The following RRM2 variants were observed in gnomAD, a reference collection of about 807,000 sequenced individuals.
RRM2 encodes ribonucleoside-diphosphate reductase subunit M2.
Under a neutral mutation model 45.9 loss-of-function variants are expected in RRM2, and 6 were observed. That is an observed-to-expected ratio of 0.13 (90% CI 0.07 to 0.26). The LOEUF (loss-of-function observed/expected upper bound fraction) is 0.26. Among genes scored for constraint, RRM2 ranks in the 10% least tolerant of loss-of-function variants. The pLI is 1.00. For missense variants in RRM2, 343 were observed against 489.5 expected (o/e 0.70, Z 2.82); for synonymous variants, 177 against 173.0 (o/e 1.02, Z -0.18).
Position 10,122,739 on chromosome 2 carries a change from G to GTGCACCC in RRM2, c.-57_-51dup. 1 of 1,553,530 alleles carries GTGCACCC rather than the reference G, an allele frequency of 6.4e-7. No individual in the cohort carries two copies. The highest frequency in any genetic ancestry group is 8.7e-7 in the Non-Finnish European group (1 of 1,148,404). On this transcript the variant is annotated 5_prime_UTR_variant, in exon 1 of 10. Coordinates refer to ENST00000304567, the MANE Select transcript of RRM2 (RefSeq NM_001034.4). ...AGGCTGCTGGAGTGAGGGGTCGCCC[G>GTGCACCC]TGCACCCTGTCCCAGCCGTCCTGTC...
chr2:10,148,261 A>C (rs1293697922), intron 3 of RRM2, among the ~76,000 whole-genome samples: 1 of 138,198 alleles, frequency 7.2e-6, no homozygotes, highest in African/African-American at 2.8e-5. Context: ...GTTTATATTT[A>C]TATATGTCCT....
intron 3 of RRM2, among the ~76,000 whole-genome samples, chr2:10,157,997 GA>G (rs1449656366): frequency 6.6e-6 from 1 of 152,174 alleles, no homozygotes; most frequent in African/African-American, 2.4e-5. Context: ...TGAATGAGAG[GA>G]GGGGTAAGTG....
chr2:10,151,390 T>G (rs1663309879), intron 3 of RRM2, among the ~76,000 whole-genome samples: 1 of 151,290 alleles, frequency 6.6e-6, no homozygotes, highest in Non-Finnish European at 1.5e-5. Flanking sequence ...CTCTGCCTCC[T>G]TGGTTCAAGC....
intron 3 of RRM2, among the ~76,000 whole-genome samples, chr2:10,163,708 C>T (rs769721566): frequency 1.2e-4 from 19 of 152,210 alleles, no homozygotes; most frequent in African/African-American, 4.1e-4. Context: ...GCCCAGTGGC[C>T]GCGCTCTGTC....
intron 3 of RRM2, among the ~76,000 whole-genome samples, chr2:10,196,634 G>C (rs1333195472): frequency 1.3e-5 from 2 of 150,988 alleles, no homozygotes; most frequent in African/African-American, 2.4e-5. Flanking sequence ...CCGGGCTCCG[G>C]GGATGGACAG....
intron 5 of RRM2, among the ~76,000 whole-genome samples, chr2:10,125,205 G>A (rs1662753645): frequency 6.6e-6 from 1 of 152,240 alleles, no homozygotes; most frequent in Non-Finnish European, 1.5e-5. Context: ...GATGGACGGG[G>A]AGGACTTGCC....
Position 10,205,333 on chromosome 2 carries a change from G to A in RRM2, n.483-4978G>A, listed in dbSNP as rs1664643998. 6.6e-6 allele frequency among the ~76,000 whole-genome samples: 1 copy of A among 152,186 alleles called. No homozygotes were observed. The highest frequency in any genetic ancestry group is 6.5e-5 in the Admixed American group (1 of 15,280). On this transcript the variant is annotated intron_variant and non_coding_transcript_variant, in intron 3 of 3. Transcript: ENST00000381786. This position sits in a 1 kb window ranked among gnomAD's most constrained non-coding sequence, Gnocchi z 4.8. ...CAGTGCCCTCGGTATGTCCCACTCA[G>A]CATCCTCCCCAGGTCAGAACACATT...
intron 3 of RRM2, among the ~76,000 whole-genome samples, chr2:10,200,385 AC>A (rs1348727987): frequency 4.6e-5 from 7 of 152,022 alleles, no homozygotes; most frequent in Non-Finnish European, 8.8e-5. Flanking sequence ...CAGGTCAGAA[AC>A]CTGCACAGGG....
rs1384789112 is a variant in RRM2 at position 10,130,407 on chromosome 2, G to T, written c.*1021G>T. Reference sequence around the variant, plus strand: ...TAGTTTTGTTTGGTGTAAGTAGGTTGTGTGAGTTAATTCATTTATATTTAC... The same window carrying T: ...TAGTTTTGTTTGGTGTAAGTAGGTTTTGTGAGTTAATTCATTTATATTTAC... On this transcript the variant is annotated 3_prime_UTR_variant, in exon 10 of 10. Transcript: ENST00000304567. 1 of 152,138 alleles carries T rather than the reference G, an allele frequency of 6.6e-6. No individual in the cohort carries two copies. The highest frequency in any genetic ancestry group is 1.5e-5 in the Non-Finnish European group (1 of 68,036). The allele number at this position is 152,138 out of a possible 1,614,324, so 9.4% of individuals were successfully genotyped here. A position where few individuals can be genotyped will look rare whatever the true frequency, so the allele number is the denominator to read the frequency against.
At chr2:10,202,942 GAAC>G (rs1009927149) in intron 3 of RRM2, among the ~76,000 whole-genome samples, 14 of 152,286 alleles carry the variant, frequency 9.2e-5, no homozygotes, top group African/African-American at 2.9e-4. Flanking sequence ...CGATCATCCA[GAAC>G]AACACAGATT....
rs1335306615 is a variant in RRM2, at chr2:10,127,361, CAAAAG to C, written c.798+144_798+148del. On this transcript the variant is annotated intron_variant, in intron 7 of 9. Coordinates refer to ENST00000304567, the MANE Select transcript of RRM2 (RefSeq NM_001034.4). This position sits in a 1 kb window ranked among gnomAD's most constrained non-coding sequence, Gnocchi z 4.1. ...TGAGTTCAACCATACACATACTTGA[CAAAAG>C]AAGGAAATACTTTCATTTACTGAAA... 1 of 777,300 alleles carries C rather than the reference CAAAAG, an allele frequency of 1.3e-6. No homozygotes were observed. Among genetic ancestry groups the C allele is most frequent in the Non-Finnish European group, 2.0e-6 (1 of 497,856 alleles). 48.2% of individuals were successfully genotyped at this position (777,300 alleles called of 1,614,324 possible).
chr2:10,191,087 C>T (rs1664294296), intron 3 of RRM2, among the ~76,000 whole-genome samples: 1 of 152,196 alleles, frequency 6.6e-6, no homozygotes. Context: ...GTTTGCCCCA[C>T]AGGACGCTGG....
At position 10,123,475 on chromosome 2, in the gene RRM2, A is replaced by G. The variant is rs1662714718; in HGVS notation, c.263A>G (p.His88Arg). The change falls in exon 3 of 10, where the codon CAT becomes CGT. Residue 88 changes from histidine (H) to arginine (R), a missense_variant. This residue lies in a region of RRM2 where 131 missense variants were observed against 121.4 expected (regional missense o/e 1.08). Transcript: ENST00000304567. Reference protein sequence around the residue: ...RRFVIFPIEYHDIWQMYKKAE... With the variant: ...RRFVIFPIEYRDIWQMYKKAE... ...TTTGTCATCTTCCCCATCGAGTACC[A>G]TGATATCTGGCAGATGTATAAGAAG... The G allele has an allele frequency of 6.2e-7, 1 of 1,614,176 alleles. No individual in the cohort carries two copies. The highest frequency in any genetic ancestry group is 8.5e-7 in the Non-Finnish European group (1 of 1,180,026).
At position 10,171,622 on chromosome 2, in the gene RRM2, C is replaced by A. The variant is rs1286409187; in HGVS notation, n.482+29247C>A. On this transcript the variant is annotated intron_variant and non_coding_transcript_variant, in intron 3 of 3. Coordinates refer to the RRM2 transcript ENST00000381786. This position sits in a 1 kb window ranked among gnomAD's most constrained non-coding sequence, Gnocchi z 4.1. Reference sequence around the variant, plus strand: ...ACAAAGGAACAGGGTGATCTGGGAGCAGCAGCAGCCGCTGTCCTGAGCATC... The same window carrying A: ...ACAAAGGAACAGGGTGATCTGGGAGAAGCAGCAGCCGCTGTCCTGAGCATC... Among the ~76,000 whole-genome samples the A allele has an allele frequency of 6.6e-6, 1 of 152,160 alleles. No homozygotes were observed. The highest frequency in any genetic ancestry group is 1.5e-5 in the Non-Finnish European group (1 of 68,028).
At chr2:10,135,628 CAGT>C (rs1662975840), downstream of RRM2, among the ~76,000 whole-genome samples, 1 of 152,066 alleles carries the variant, frequency 6.6e-6, no homozygotes, top group South Asian at 2.1e-4. Context: ...AATAAAAGCA[CAGT>C]AGATGTAAAT....
chr2:10,162,898 G>A (rs563393372), intron 3 of RRM2, among the ~76,000 whole-genome samples: 5 of 152,268 alleles, frequency 3.3e-5, no homozygotes, highest in Non-Finnish European at 7.4e-5. Flanking sequence ...GGGGACCCCC[G>A]GGGCATGGCC....
intron 3 of RRM2, among the ~76,000 whole-genome samples, chr2:10,170,355 C>T (rs750724935): frequency 3.9e-5 from 6 of 151,966 alleles, no homozygotes; most frequent in Admixed American, 1.3e-4. Context: ...CCTCAAGAAG[C>T]GGTCACTTGG....
rs1400378111 is a variant in RRM2, at chr2:10,172,345, T to A, written n.482+29970T>A. On this transcript the variant is annotated intron_variant and non_coding_transcript_variant, in intron 3 of 3. Coordinates refer to the RRM2 transcript ENST00000381786. The surrounding 1 kb of genome is among the most constrained non-coding windows in gnomAD (Gnocchi z 4.9). The stretch of plus-strand genomic sequence containing the variant: ...TTCCCTCCCACTTCTGCTGCCTCCA[T>A]CTGACCCTGCTCCGGAGGGACCAGG... Among the ~76,000 whole-genome samples the A allele has an allele frequency of 6.6e-6, 1 of 152,076 alleles. No homozygotes were observed. Among genetic ancestry groups the A allele is most frequent in the Non-Finnish European group, 1.5e-5 (1 of 67,990 alleles).
intron 3 of RRM2, among the ~76,000 whole-genome samples, chr2:10,154,108 T>C (rs1663372777): frequency 6.6e-6 from 1 of 152,348 alleles, no homozygotes; most frequent in Non-Finnish European, 1.5e-5. Flanking sequence ...TAGTTAGCTG[T>C]AGTCAACACC....
Sources: gnomAD v4.1 joint callset for allele counts (sites outside exome capture counted in the v4.1 genomes callset) on GRCh38, gnomAD v4.1.1 for gene constraint, gnomAD v4.1.1 regional missense constraint, Gnocchi (gnomAD v3.1) non-coding constraint, MANE v1.5 for transcripts, NCBI Gene and HGNC (gene_info 2026-07-23, HGNC 2026-07-21) for gene names.